The following SNAI2 variants were observed in gnomAD, a reference collection of about 807,000 sequenced individuals.
SNAI2 encodes zinc finger protein SNAI2.
A neutral mutation model predicts 22.4 loss-of-function variants in SNAI2; 2 were observed. The ratio of observed to expected loss-of-function variants is 0.09; its 90% CI spans 0.04 to 0.28. The LOEUF is 0.28. Ranked by LOEUF, SNAI2 falls within the 10% of genes least tolerant of loss-of-function variation. The pLI is 1.00. For synonymous variants in SNAI2, 134 were observed against 123.0 expected, an observed-to-expected ratio of 1.09 and a Z score of -0.59; for missense variants, 239 against 320.8, an observed-to-expected ratio of 0.75 and a Z score of 1.95.
rs907457631 is a variant in SNAI2, at chr8:48,918,522, A to G, written c.*285T>C. ...AAAGATGCAATGTGCTTTTCATTTTATCTTTGAAGAGAAAGGTTACTGTCT... is the reference window on the plus strand; with the variant it reads ...AAAGATGCAATGTGCTTTTCATTTTGTCTTTGAAGAGAAAGGTTACTGTCT... On this transcript the variant is annotated 3_prime_UTR_variant, in exon 3 of 3. Transcript: ENST00000020945. 24 of 410,486 alleles carry G rather than the reference A, an allele frequency of 5.8e-5. No individual in the cohort carries two copies. The highest frequency in any genetic ancestry group is 7.2e-4 in the Middle Eastern group (1 of 1,390). 25.4% of individuals were successfully genotyped at this position (410,486 alleles called of 1,614,324 possible).
chr8:48,920,515 A>T, intron 1 of SNAI2, 74 bp from the exon 2 acceptor site: 3 of 1,301,948 alleles, frequency 2.3e-6, no homozygotes, highest in Non-Finnish European at 3.3e-6. Flanking sequence ...AAGTATACAC[A>T]CACTGGAAAG....
Position 48,921,428 on chromosome 8 carries a change from C to T in SNAI2, c.-163G>A, listed in dbSNP as rs189960900. 1.6e-3 allele frequency: 1,036 copies of T among 659,058 alleles called. 4 individuals are homozygous for T. Among genetic ancestry groups the T allele is most frequent in the Non-Finnish European group, 2.0e-3 (742 of 371,766 alleles). 40.8% of individuals were successfully genotyped at this position (659,058 alleles called of 1,614,324 possible). A position where few individuals can be genotyped will look rare whatever the true frequency, so the allele number is the denominator to read the frequency against. On this transcript the variant is annotated 5_prime_UTR_variant, in exon 1 of 3. Transcript: ENST00000020945. ...TGAAGTCACCCGGCTCCTTTACGAA[C>T]TGAGCCCGTTTTGGCTGGGAGGGTT... is the stretch of plus-strand genomic sequence containing the variant.
At chr8:48,919,067 A>G in intron 2 of SNAI2, 79 bp from the exon 3 acceptor site, 1 of 1,407,502 alleles carries the variant, frequency 7.1e-7, no homozygotes, top group Non-Finnish European at 9.9e-7. Flanking sequence ...TGTTAACAAA[A>G]GTCAATCACA....
intron 2 of SNAI2, 72 bp from the exon 3 acceptor site, chr8:48,919,060 T>C: frequency 6.8e-7 from 1 of 1,463,256 alleles, no homozygotes; most frequent in Non-Finnish European, 9.4e-7. Context: ...AAAATCATGT[T>C]AACAAAAGTC....
In SNAI2 at chr8:48,921,301, A is replaced by G. The variant is rs751125107; in HGVS notation, c.-36T>C. On this transcript the variant is annotated 5_prime_UTR_variant, in exon 1 of 3. Coordinates refer to ENST00000020945, the MANE Select transcript of SNAI2 (RefSeq NM_003068.5). ...GGTCTGGCGGGCGCCCGGCGCGGAT[A>G]ACGGTCCGGCGGGAGGACACGGCGG... 2 of 1,556,122 alleles carry G rather than the reference A, an allele frequency of 1.3e-6. No homozygotes were observed. The highest frequency in any genetic ancestry group is 1.8e-6 in the Non-Finnish European group (2 of 1,132,510).
At chr8:48,919,283 G>T (rs1399107622) in intron 2 of SNAI2, among the ~76,000 whole-genome samples, 3 of 152,198 alleles carry the variant, frequency 2.0e-5, no homozygotes, top group Non-Finnish European at 2.9e-5. Flanking sequence ...AGCAGATGCA[G>T]CTAATGTTGA....
Position 48,920,253 on chromosome 8 carries a change from G to A in SNAI2, c.268C>T (p.Pro90Ser), listed in dbSNP as rs763201300. ...SSSLGRVSPPPPSDTSSKDHS... is the reference protein window; with the variant it reads ...SSSLGRVSPPSPSDTSSKDHS... ...TCCTTGGAGGAGGTGTCAGATGGAG[G>A]AGGGGGACTCACTCGCCCCAAAGAT... The change falls in exon 2 of 3, where the codon CCT becomes TCT. Residue 90 changes from proline to serine, a missense_variant. Around this residue, in one of 3 missense-constraint regions of SNAI2, gnomAD observed 183 missense variants for 190.4 expected, o/e 0.96. Coordinates refer to ENST00000020945, the MANE Select transcript of SNAI2 (RefSeq NM_003068.5). The A allele has an allele frequency of 2.0e-5, 32 of 1,613,946 alleles. 1 individual carries two copies. The South Asian group carries it at 3.3e-4, about 17-fold the overall frequency.
intron 1 of SNAI2, 38 bp downstream of exon 1, chr8:48,921,149 C>G: frequency 7.2e-7 from 1 of 1,396,328 alleles, no homozygotes; most frequent in Non-Finnish European, 1.0e-6. Context: ...TTGCAAAGCT[C>G]TAGATACGTA....
In SNAI2 at chr8:48,919,006, GA is replaced by G. The variant is rs1307321160; in HGVS notation, c.626-19del. The G allele has an allele frequency of 1.9e-6, 3 of 1,607,546 alleles. No homozygotes were observed. Among genetic ancestry groups the G allele is most frequent in the Non-Finnish European group, 2.5e-6 (3 of 1,177,174 alleles). Reference sequence around the variant, plus strand: ...CTTCTCCCCTGGGGGTGGAGTGGGAGAAAAAAAGAAAGACAGTCAGTGTTTT... The same window carrying G: ...CTTCTCCCCTGGGGGTGGAGTGGGAGAAAAAAGAAAGACAGTCAGTGTTTT... On this transcript the variant is annotated intron_variant, in intron 2 of 2. Coordinates refer to ENST00000020945, the MANE Select transcript of SNAI2 (RefSeq NM_003068.5).
intron 1 of SNAI2, among the ~76,000 whole-genome samples, 175 bp from the exon 2 acceptor site, chr8:48,920,616 T>TG (rs1806148536): frequency 6.6e-6 from 1 of 152,238 alleles, no homozygotes; most frequent in Non-Finnish European, 1.5e-5. Context: ...ATTTCCACCC[T>TG]GGCACCTACG....
chr8:48,921,359 C>G lies in SNAI2; in HGVS notation c.-94G>C. ...AGCATCGCGGCGGGCCAGGCTCGGG[C>G]AGGGGCCGTGCTCAGGTGCGGCAGA... On this transcript the variant is annotated 5_prime_UTR_variant, in exon 1 of 3. Coordinates refer to ENST00000020945, the MANE Select transcript of SNAI2 (RefSeq NM_003068.5). 1.0e-6 allele frequency: 1 copy of G among 984,058 alleles called. No homozygotes were observed. Among genetic ancestry groups the G allele is most frequent in the Admixed American group, 1.7e-5 (1 of 58,638 alleles). 61.0% of individuals were successfully genotyped at this position (984,058 alleles called of 1,614,324 possible).
Position 48,921,388 on chromosome 8 carries a change from A to T in SNAI2, c.-123T>A. On this transcript the variant is annotated 5_prime_UTR_variant, in exon 1 of 3. Transcript: ENST00000020945. Reference sequence around the variant, plus strand: ...GGCCGTGCTCAGGTGCGGCAGACGGACGGGCCGGCGCCTCTGAAGTCACCC... The same window carrying T: ...GGCCGTGCTCAGGTGCGGCAGACGGTCGGGCCGGCGCCTCTGAAGTCACCC... The T allele has an allele frequency of 1.3e-6, 1 of 773,436 alleles. No individual in the cohort carries two copies. The highest frequency in any genetic ancestry group is 2.3e-6 in the Non-Finnish European group (1 of 442,132). The allele number at this position is 773,436 out of a possible 1,614,324, so 47.9% of individuals were successfully genotyped here.
rs554498766 is a variant in SNAI2, at chr8:48,920,774, T to C, written c.80-333A>G. Among the ~76,000 whole-genome samples the C allele has an allele frequency of 1.1e-3, 162 of 152,294 alleles. 1 individual carries two copies. The highest frequency in any genetic ancestry group is 3.8e-3 in the African/African-American group (158 of 41,560). ...ATTATTTTTAAACATACAGAAAAGT[T>C]GTTTTCCATGTTACGTATGGGCTAT... On this transcript the variant is annotated intron_variant, in intron 1 of 2. Transcript: ENST00000020945.
At chr8:48,920,488 A>G in intron 1 of SNAI2, 47 bp from the exon 2 acceptor site, 1 of 1,512,476 alleles carries the variant, frequency 6.6e-7, no homozygotes, top group Non-Finnish European at 9.2e-7. Flanking sequence ...AAAATAATTA[A>G]AAATAAATCC....
In SNAI2 at chr8:48,919,068, G is replaced by A. The variant is rs1346989185; in HGVS notation, c.626-80C>T. ...ATAAAGTAAAATCATGTTAACAAAA[G>A]TCAATCACATTTTGCTTAAATAATG... On this transcript the variant is annotated intron_variant, in intron 2 of 2. Coordinates refer to ENST00000020945, the MANE Select transcript of SNAI2 (RefSeq NM_003068.5). The A allele has an allele frequency of 2.9e-6, 4 of 1,402,768 alleles. No homozygotes were observed. The African/African-American group carries it at 4.2e-5, about 15-fold the overall frequency. The allele number at this position is 1,402,768 out of a possible 1,614,324, so 86.9% of individuals were successfully genotyped here.
Position 48,920,121 on chromosome 8 carries a change from T to C in SNAI2, c.400A>G (p.Asn134Asp). 1 of 1,614,224 alleles carries C rather than the reference T, an allele frequency of 6.2e-7. No homozygotes were observed. Among genetic ancestry groups the C allele is most frequent in the Non-Finnish European group, 8.5e-7 (1 of 1,180,030 alleles). ...EAEKFQCNLCNKTYSTFSGLA... is the reference protein window; with the variant it reads ...EAEKFQCNLCDKTYSTFSGLA... The stretch of plus-strand genomic sequence containing the variant: ...CCAGAAAAAGTTGAATAGGTCTTAT[T>C]GCATAAATTGCACTGAAACTTTTCA... Residue 134 changes from asparagine to aspartate, a missense_variant, in exon 2 of 3, where the codon AAT becomes GAT. Transcript: ENST00000020945.
rs777170757 is a variant in SNAI2 at position 48,920,163 on chromosome 8, G to T, written c.358C>A (p.Pro120Thr). The change falls in exon 2 of 3, where the codon CCC becomes ACC. Residue 120 changes from proline (P) to threonine (T), a missense_variant. Transcript: ENST00000020945. ...EERLQSKLSDPHAIEAEKFQC... is the reference protein window; with the variant it reads ...EERLQSKLSDTHAIEAEKFQC... Reference sequence around the variant, plus strand: ...AACTTTTCAGCTTCAATGGCATGGGGGTCTGAAAGCTTGGACTGTAGTCTT... The same window carrying T: ...AACTTTTCAGCTTCAATGGCATGGGTGTCTGAAAGCTTGGACTGTAGTCTT... The T allele has an allele frequency of 1.2e-6, 2 of 1,614,198 alleles. No individual in the cohort carries two copies. Among genetic ancestry groups the T allele is most frequent in the Non-Finnish European group, 8.5e-7 (1 of 1,180,036 alleles).
At chr8:48,921,109 G>A in intron 1 of SNAI2, 78 bp downstream of exon 1, 1 of 1,034,136 alleles carries the variant, frequency 9.7e-7, no homozygotes, top group Admixed American at 1.7e-5. Context: ...TTTTGTAATG[G>A]TATTTGAAGG....
Position 48,920,427 on chromosome 8 carries a change from A to G in SNAI2, c.94T>C (p.Tyr32His). 1 of 1,614,080 alleles carries G rather than the reference A, an allele frequency of 6.2e-7. No homozygotes were observed. The highest frequency in any genetic ancestry group is 8.5e-7 in the Non-Finnish European group (1 of 1,179,914). Residue 32 changes from tyrosine to histidine, a missense_variant, in exon 2 of 3, where the codon TAT (tyrosine) becomes CAT (histidine). Physicochemically the swap from Tyr to His is moderately conservative, Grantham distance 83. Around this residue, in one of 3 missense-constraint regions of SNAI2, gnomAD observed 183 missense variants for 190.4 expected, o/e 0.96. Transcript: ENST00000020945. ...GGCATGGAGTAACTCTCATAGAGAT[A>G]CGGGGAAATAATCACTGGGAAAGAA... is the stretch of plus-strand genomic sequence containing the variant. ...LDTHTVIISP[Y>H]LYESYSMPVI...
Sources: allele counts gnomAD v4.1 joint callset (sites outside exome capture counted in the v4.1 genomes callset), GRCh38; gene constraint gnomAD v4.1.1; regional missense constraint gnomAD v4.1.1; transcripts MANE v1.5; gene names NCBI Gene and HGNC (gene_info 2026-07-23, HGNC 2026-07-21).